The following CTNND2 variants were observed in gnomAD, a reference collection of about 807,000 sequenced individuals.
The protein encoded by CTNND2 is catenin delta 2, also known as catenin delta-2.
CTNND2 carries 22 observed loss-of-function variants against 144.4 expected under a neutral mutation model. The ratio of observed to expected loss-of-function variants is 0.15; its 90% confidence interval spans 0.11 to 0.22. The LOEUF (loss-of-function observed/expected upper bound fraction) is 0.22. CTNND2 is among the 10% of genes least tolerant of loss of function. The pLI, the probability that CTNND2 is intolerant of heterozygous loss-of-function variation, is 1.00. For synonymous variants in CTNND2, 751 were observed against 695.6 expected, an observed-to-expected ratio of 1.08 and a Z score of -1.25; for missense variants, 1,353 against 1,618.8, an observed-to-expected ratio of 0.84 and a Z score of 2.82.
chr5:11,714,103 A>C (rs1262571651), intron 2 of CTNND2, among the ~76,000 whole-genome samples: 1 of 152,230 alleles, frequency 6.6e-6, no homozygotes, highest in African/African-American at 2.4e-5. Context: ...TTATTTTTAA[A>C]GAGAAAGTGA....
At chr5:11,001,570 G>A (rs761817889) in intron 18 of CTNND2, among the ~76,000 whole-genome samples, 1 of 152,100 alleles carries the variant, frequency 6.6e-6, no homozygotes, top group African/African-American at 2.4e-5. Flanking sequence ...AATTTCACAG[G>A]TTTTATAGCT....
chr5:11,291,893 T>C lies in CTNND2; in HGVS notation c.1628+54479A>G, dbSNP rs529468366. The stretch of plus-strand genomic sequence containing the variant: ...AGCCACATTTCTCTTCAGATTTGCA[T>C]TTACCATAAATTTTTGCTTGCTATA... On this transcript the variant is annotated intron_variant, in intron 9 of 21. Transcript: ENST00000304623. Among the ~76,000 whole-genome samples the C allele has an allele frequency of 7.2e-5, 11 of 152,200 alleles. No homozygotes were observed. In the South Asian group the frequency reaches 2.3e-3, roughly 32 times the overall value.
chr5:11,432,550 C>A (rs1763396041), intron 3 of CTNND2, among the ~76,000 whole-genome samples: 1 of 152,090 alleles, frequency 6.6e-6, no homozygotes, highest in Non-Finnish European at 1.5e-5. Context: ...TATAATCCAG[C>A]CTGTGAAATA....
chr5:11,679,101 A>T, intron 2 of CTNND2, among the ~76,000 whole-genome samples: 1 of 152,026 alleles, frequency 6.6e-6, no homozygotes, highest in Non-Finnish European at 1.5e-5. Context: ...CCTTCCTGAA[A>T]CGATGCCTAT....
rs1760059712 is a variant in CTNND2 at position 11,172,768 on chromosome 5, C to T, written c.1976-13009G>A. ...CTACCAAGAACAGGATGTCACAAAA[C>T]TCATAATATCAATTAGGCAGAGAGA... On this transcript the variant is annotated intron_variant, in intron 11 of 21. Coordinates refer to ENST00000304623, the MANE Select transcript of CTNND2 (RefSeq NM_001332.4). Among the ~76,000 whole-genome samples the T allele has an allele frequency of 2.0e-5, 3 of 152,130 alleles. No individual in the cohort carries two copies. The South Asian group carries it at 6.2e-4, about 32-fold the overall frequency.
At chr5:11,023,310 T>A (rs577272626) in intron 16 of CTNND2, among the ~76,000 whole-genome samples, 1 of 152,278 alleles carries the variant, frequency 6.6e-6, no homozygotes, top group South Asian at 2.1e-4. Flanking sequence ...CTGTAAAGCA[T>A]AAATGAGTGA....
At chr5:11,392,756 A>G (rs1759746728) in intron 6 of CTNND2, among the ~76,000 whole-genome samples, 1 of 152,230 alleles carries the variant, frequency 6.6e-6, no homozygotes, top group African/African-American at 2.4e-5. Context: ...ATGTGAAACA[A>G]TATGAATTCT....
intron 18 of CTNND2, among the ~76,000 whole-genome samples, chr5:11,016,667 A>G (rs1430473590): frequency 6.6e-6 from 1 of 152,162 alleles, no homozygotes; most frequent in African/African-American, 2.4e-5. Context: ...TTGCTGATGG[A>G]AGCCCAGGCA....
chr5:11,801,222 G>A (rs1376898760), intron 1 of CTNND2, among the ~76,000 whole-genome samples: 1 of 152,140 alleles, frequency 6.6e-6, no homozygotes, highest in Admixed American at 6.5e-5. Flanking sequence ...GAGGTTTTTT[G>A]TAAGTTTGCA....
chr5:11,108,610 CAT>C (rs1752651791), intron 14 of CTNND2, among the ~76,000 whole-genome samples: 1 of 152,176 alleles, frequency 6.6e-6, no homozygotes, highest in South Asian at 2.1e-4. Flanking sequence ...TGCAGACAGA[CAT>C]ATATTTTTTA....
intron 1 of CTNND2, among the ~76,000 whole-genome samples, chr5:11,831,496 G>A (rs933973801): frequency 4.6e-5 from 7 of 151,790 alleles, no homozygotes; most frequent in African/African-American, 9.7e-5. Flanking sequence ...GTGAAACCCC[G>A]TCTCTACTAA....
intron 9 of CTNND2, among the ~76,000 whole-genome samples, chr5:11,296,565 A>G (rs1749036904): frequency 6.6e-6 from 1 of 152,206 alleles, no homozygotes; most frequent in African/African-American, 2.4e-5. Flanking sequence ...TCACAATAGC[A>G]AAGACTTGGA....
chr5:11,063,474 A>G (rs1371000806), intron 16 of CTNND2, among the ~76,000 whole-genome samples: 1 of 152,220 alleles, frequency 6.6e-6, no homozygotes, highest in Non-Finnish European at 1.5e-5. Context: ...AATATTTACA[A>G]TATATCTTAA....
chr5:11,109,954 C>T (rs952916148), intron 14 of CTNND2, among the ~76,000 whole-genome samples: 1 of 152,140 alleles, frequency 6.6e-6, no homozygotes. Context: ...TATCTATGTA[C>T]GCACCTGTTT....
At chr5:11,717,203 G>A (rs1476993152) in intron 2 of CTNND2, among the ~76,000 whole-genome samples, 1 of 151,944 alleles carries the variant, frequency 6.6e-6, no homozygotes, top group Non-Finnish European at 1.5e-5. Context: ...ATTTTGTTAT[G>A]AAATAGTGAT....
chr5:11,149,455 G>A (rs978585475), intron 12 of CTNND2, among the ~76,000 whole-genome samples: 3 of 152,168 alleles, frequency 2.0e-5, no homozygotes, highest in Non-Finnish European at 4.4e-5. Flanking sequence ...CCCTGGGCAC[G>A]GCCATCCTCA....
chr5:11,282,473 G>A (rs1010656144), intron 9 of CTNND2, among the ~76,000 whole-genome samples: 1 of 152,228 alleles, frequency 6.6e-6, no homozygotes, highest in East Asian at 1.9e-4. Context: ...ACTCCAAGGT[G>A]GTTCTGATAA....
chr5:11,571,375 C>G (rs556191261), intron 2 of CTNND2, among the ~76,000 whole-genome samples: 1 of 152,264 alleles, frequency 6.6e-6, no homozygotes, highest in South Asian at 2.1e-4. Context: ...TGAAAAGGCT[C>G]TTCCTAGCTC....
At chr5:11,078,460 C>T (rs1014997266) in intron 16 of CTNND2, among the ~76,000 whole-genome samples, 1 of 152,128 alleles carries the variant, frequency 6.6e-6, no homozygotes, top group African/African-American at 2.4e-5. Flanking sequence ...CATCTGGTGA[C>T]ATTTGATAGT....
Sources: gnomAD v4.1 joint callset for allele counts (sites outside exome capture counted in the v4.1 genomes callset) on GRCh38, gnomAD v4.1.1 for gene constraint, MANE v1.5 for transcripts, NCBI Gene and HGNC (gene_info 2026-07-23, HGNC 2026-07-21) for gene names.